Variants in DPP10 observed in about 807,000 individuals in gnomAD.
DPP10 encodes dipeptidyl peptidase like 10.
Under a neutral mutation model 120.9 loss-of-function variants are expected in DPP10, and 33 were observed. The observed-to-expected ratio is 0.27, with a 90% confidence interval of 0.21 to 0.37. The LOEUF (loss-of-function observed/expected upper bound fraction) is 0.37. Among genes scored for constraint, DPP10 ranks in the 10% least tolerant of loss-of-function variants. The probability of loss-of-function intolerance (pLI) is 1.00; values close to 1 mark genes in which losing one functional copy is unlikely to be tolerated. For synonymous variants in DPP10, 337 were observed against 326.1 expected, an observed-to-expected ratio of 1.03 and a Z score of -0.36; for missense variants, 816 against 942.8, an observed-to-expected ratio of 0.87 and a Z score of 1.76.
chr2:114,844,794 A>T (rs907661330), intron 1 of DPP10, among the ~76,000 whole-genome samples: 3 of 152,046 alleles, frequency 2.0e-5, no homozygotes, highest in African/African-American at 7.2e-5. Context: ...AGATGAAAGG[A>T]CTTCAATTCT....
chr2:115,313,668 TG>T (rs1350317698), intron 2 of DPP10, among the ~76,000 whole-genome samples: 1 of 152,232 alleles, frequency 6.6e-6, no homozygotes, highest in African/African-American at 2.4e-5. Flanking sequence ...AATTTCGGTT[TG>T]ATTGCAAATT....
intron 2 of DPP10, among the ~76,000 whole-genome samples, chr2:115,331,176 C>G (rs1458705812): frequency 6.6e-6 from 1 of 151,998 alleles, no homozygotes; most frequent in East Asian, 1.9e-4. Context: ...GTATTTTATT[C>G]TCTTTGAAGC....
chr2:115,621,520 T>C (rs2149282484), intron 5 of DPP10, among the ~76,000 whole-genome samples: 1 of 152,348 alleles, frequency 6.6e-6, no homozygotes, highest in South Asian at 2.1e-4. Flanking sequence ...CCTTTCACTT[T>C]CTGTAAACAC....
At chr2:114,669,602 A>G (rs890200098) in intron 1 of DPP10, among the ~76,000 whole-genome samples, 1 of 152,154 alleles carries the variant, frequency 6.6e-6, no homozygotes, top group African/African-American at 2.4e-5. Context: ...TTTATAAAAT[A>G]CTTTCTTTTT....
intron 1 of DPP10, among the ~76,000 whole-genome samples, chr2:114,795,530 TG>T (rs1683633364): frequency 6.6e-6 from 1 of 151,476 alleles, no homozygotes; most frequent in Non-Finnish European, 1.5e-5. Flanking sequence ...CTCAATGTGC[TG>T]AGTCTTTTGT....
chr2:115,500,677 T>G (rs548716102), intron 4 of DPP10, among the ~76,000 whole-genome samples: 1 of 152,150 alleles, frequency 6.6e-6, no homozygotes, highest in East Asian at 1.9e-4. Flanking sequence ...ATGACATTTT[T>G]GGTTTTAAAC....
At chr2:114,944,584 T>C (rs1269396226) in intron 1 of DPP10, among the ~76,000 whole-genome samples, 1 of 152,188 alleles carries the variant, frequency 6.6e-6, no homozygotes, top group Non-Finnish European at 1.5e-5. Context: ...GCATCATTTG[T>C]TTTACTAAAG....
At chr2:114,831,586 T>C (rs1687124849) in intron 1 of DPP10, among the ~76,000 whole-genome samples, 1 of 152,178 alleles carries the variant, frequency 6.6e-6, no homozygotes, top group South Asian at 2.1e-4. Flanking sequence ...GAAGATCATT[T>C]GGGAAAGCTG....
chr2:114,602,821 G>T (rs1350890524), intron 1 of DPP10, among the ~76,000 whole-genome samples: 1 of 152,004 alleles, frequency 6.6e-6, no homozygotes, highest in African/African-American at 2.4e-5. Context: ...CAACTGGGTG[G>T]TTTTTATTAT....
chr2:115,564,640 A>G (rs908449040), intron 5 of DPP10, among the ~76,000 whole-genome samples: 2 of 152,206 alleles, frequency 1.3e-5, no homozygotes, highest in African/African-American at 4.8e-5. Context: ...TAGTCATAAC[A>G]ATTCTCTGAA....
intron 1 of DPP10, among the ~76,000 whole-genome samples, chr2:114,549,519 G>T (rs1687695619): frequency 6.6e-6 from 1 of 151,856 alleles, no homozygotes; most frequent in Non-Finnish European, 1.5e-5. Flanking sequence ...AAATTATCTG[G>T]GCATAGTGGT....
At chr2:115,815,041 A>G (rs1014634610) in intron 20 of DPP10, 54 bp downstream of exon 20, 4 of 1,500,256 alleles carry the variant, frequency 2.7e-6, no homozygotes, top group African/African-American at 2.7e-5. Context: ...GAGTCTTGGT[A>G]TATGACATAT....
chr2:115,469,971 G>A (rs2074595732), intron 3 of DPP10, among the ~76,000 whole-genome samples: 1 of 151,182 alleles, frequency 6.6e-6, no homozygotes. Flanking sequence ...CATTTTGAAT[G>A]CACTGGATTA....
At chr2:115,587,412 C>G (rs1025775881) in intron 5 of DPP10, among the ~76,000 whole-genome samples, 1 of 152,170 alleles carries the variant, frequency 6.6e-6, no homozygotes, top group Non-Finnish European at 1.5e-5. Flanking sequence ...CACCATTCTA[C>G]TCTCTGCTTC....
At chr2:115,437,284 A>G (rs2071582825) in intron 3 of DPP10, among the ~76,000 whole-genome samples, 1 of 152,074 alleles carries the variant, frequency 6.6e-6, no homozygotes, top group South Asian at 2.1e-4. Context: ...TTATACATAC[A>G]AATCACCCTT....
At chr2:114,471,895 A>C (rs1679950397) in intron 1 of DPP10, among the ~76,000 whole-genome samples, 2 of 152,248 alleles carry the variant, frequency 1.3e-5, no homozygotes, top group African/African-American at 4.8e-5. Flanking sequence ...AAATCCGGTT[A>C]GAAAACAAAC....
At chr2:115,772,282 T>C (rs1681571251) in intron 13 of DPP10, among the ~76,000 whole-genome samples, 1 of 152,162 alleles carries the variant, frequency 6.6e-6, no homozygotes, top group Non-Finnish European at 1.5e-5. Flanking sequence ...GTGTTTAATT[T>C]AGTGGCAATT....
At chr2:115,554,001 T>TCACACACACACACA (rs71881888) in intron 5 of DPP10, among the ~76,000 whole-genome samples, 3 of 135,594 alleles carry the variant, frequency 2.2e-5, no homozygotes, top group African/African-American at 5.4e-5. Flanking sequence ...TCTCTCTCTT[T>TCACACACACACACA]CACACACACA....
At chr2:115,168,934 C>T (rs2053106317) in intron 1 of DPP10, among the ~76,000 whole-genome samples, 1 of 152,094 alleles carries the variant, frequency 6.6e-6, no homozygotes, top group African/African-American at 2.4e-5. Flanking sequence ...TTGTTCTGTT[C>T]TGTAATTGAT....
Sources: gnomAD v4.1 joint callset for allele counts (sites outside exome capture counted in the v4.1 genomes callset) on GRCh38, gnomAD v4.1.1 for gene constraint, MANE v1.5 for transcripts, NCBI Gene and HGNC (gene_info 2026-07-23, HGNC 2026-07-21) for gene names.